The following PCBD2 variants were observed in gnomAD, a reference collection of about 807,000 sequenced individuals.
PCBD2 encodes the protein pterin-4 alpha-carbinolamine dehydratase 2.
In PCBD2, 12 loss-of-function variants were observed where a neutral mutation model predicts 16.4. The ratio of observed to expected loss-of-function variants is 0.73; its 90% CI spans 0.47 to 1.19. PCBD2 has a LOEUF of 1.19. PCBD2 is among the 50% of genes most tolerant of loss of function. PCBD2 has a pLI of 0.00. For synonymous variants in PCBD2, 58 were observed against 61.8 expected (o/e 0.94, Z 0.29); for missense variants, 138 against 156.8 (o/e 0.88, Z 0.64).
chr5:134,912,458 A>T (rs1040400766), intron 2 of PCBD2, among the ~76,000 whole-genome samples: 1 of 152,170 alleles, frequency 6.6e-6, no homozygotes, highest in African/African-American at 2.4e-5. Context: ...GTGAGCCCAT[A>T]TAGGATTTGG....
At chr5:134,948,983 G>A (rs1021802730) in intron 2 of PCBD2, among the ~76,000 whole-genome samples, 3 of 152,150 alleles carry the variant, frequency 2.0e-5, no homozygotes, top group Non-Finnish European at 2.9e-5. Flanking sequence ...CTTGGCCTGA[G>A]TTATTGGAAA....
intron 2 of PCBD2, among the ~76,000 whole-genome samples, chr5:134,940,007 AC>A (rs1339634468): frequency 6.6e-6 from 1 of 151,986 alleles, no homozygotes; most frequent in African/African-American, 2.4e-5. Flanking sequence ...AGCGGGAAGA[AC>A]ACCTATCATT....
At chr5:134,960,539 CA>C in intron 3 of PCBD2, 46 bp from the exon 4 acceptor site, 1 of 1,328,974 alleles carries the variant, frequency 7.5e-7, no homozygotes, top group Non-Finnish European at 1.1e-6. Context: ...GGAAAATAAC[CA>C]TGATTTGCTG....
intron 2 of PCBD2, among the ~76,000 whole-genome samples, chr5:134,954,147 G>A (rs1751390076): frequency 6.6e-6 from 1 of 152,096 alleles, no homozygotes; most frequent in Admixed American, 6.6e-5. Context: ...TTTTTGTAGA[G>A]ATAGGGTCTC....
At chr5:134,936,134 C>T (rs1751156448) in intron 2 of PCBD2, among the ~76,000 whole-genome samples, 1 of 152,134 alleles carries the variant, frequency 6.6e-6, no homozygotes, top group African/African-American at 2.4e-5. Context: ...TGATGTGGAA[C>T]CTTGTAAAAT....
intron 1 of PCBD2, among the ~76,000 whole-genome samples, chr5:134,908,241 T>G (rs1030382599): frequency 6.6e-5 from 10 of 151,456 alleles, no homozygotes; most frequent in African/African-American, 2.4e-4. Flanking sequence ...GTTTTTTTTT[T>G]TTTTTTTGAG....
chr5:134,937,932 T>C (rs1751180084), intron 2 of PCBD2, among the ~76,000 whole-genome samples: 1 of 152,216 alleles, frequency 6.6e-6, no homozygotes, highest in Non-Finnish European at 1.5e-5. Flanking sequence ...TATTTTTTTC[T>C]TTTGTTGGTT....
intron 2 of PCBD2, among the ~76,000 whole-genome samples, chr5:134,923,135 A>G (rs1750927067): frequency 6.6e-6 from 1 of 152,216 alleles, no homozygotes; most frequent in Non-Finnish European, 1.5e-5. Context: ...AGACTTGCTA[A>G]GTGACTTGCC....
chr5:134,941,854 C>T (rs372605644), intron 2 of PCBD2, among the ~76,000 whole-genome samples: 1 of 151,710 alleles, frequency 6.6e-6, no homozygotes, highest in Non-Finnish European at 1.5e-5. Context: ...TGTGGTGGCT[C>T]ACGCCTGTAA....
intron 2 of PCBD2, among the ~76,000 whole-genome samples, chr5:134,952,760 C>T (rs1043300502): frequency 3.3e-5 from 5 of 151,374 alleles, no homozygotes; most frequent in African/African-American, 9.7e-5. Flanking sequence ...AAGCTATATT[C>T]GTGCCACTGC....
chr5:134,928,101 C>T (rs1263066250), intron 2 of PCBD2: 2 of 393,296 alleles, frequency 5.1e-6, no homozygotes, highest in African/African-American at 4.1e-5. Flanking sequence ...ACTAGTAGGG[C>T]TAGGCCTACT....
At chr5:134,921,031 G>C (rs1431941257) in intron 2 of PCBD2, among the ~76,000 whole-genome samples, 1 of 152,256 alleles carries the variant, frequency 6.6e-6, no homozygotes, top group African/African-American at 2.4e-5. Context: ...AGCCCTGTCG[G>C]TGGACATGCA....
intron 2 of PCBD2, among the ~76,000 whole-genome samples, chr5:134,933,491 C>A (rs1485751003): frequency 1.3e-5 from 2 of 152,186 alleles, no homozygotes; most frequent in African/African-American, 4.8e-5. Context: ...CCACCTCAGC[C>A]TCCCAAAGTT....
intron 2 of PCBD2, among the ~76,000 whole-genome samples, chr5:134,950,809 T>C (rs1751350871): frequency 6.6e-6 from 1 of 152,198 alleles, no homozygotes; most frequent in South Asian, 2.1e-4. Flanking sequence ...GAAACTATTA[T>C]CAGCCATTAT....
chr5:134,906,824 C>T (rs1482559526), intron 1 of PCBD2, among the ~76,000 whole-genome samples: 1 of 152,186 alleles, frequency 6.6e-6, no homozygotes, highest in Non-Finnish European at 1.5e-5. Context: ...TATCCCACAG[C>T]TAAAAGTAAC....
intron 2 of PCBD2, among the ~76,000 whole-genome samples, chr5:134,932,943 C>G (rs994985286): frequency 5.3e-5 from 8 of 152,116 alleles, no homozygotes; most frequent in Admixed American, 2.0e-4. Context: ...GCCTCTCATT[C>G]TAATAGGAAT....
chr5:134,907,799 T>G (rs1750715428), intron 1 of PCBD2, among the ~76,000 whole-genome samples: 1 of 150,946 alleles, frequency 6.6e-6, no homozygotes, highest in Admixed American at 6.6e-5. Flanking sequence ...ATTTTTTGTA[T>G]TTTTAGTAGA....
intron 2 of PCBD2, chr5:134,923,924 G>A (rs1750944136): frequency 2.5e-6 from 1 of 394,424 alleles, no homozygotes; most frequent in African/African-American, 2.1e-5. Context: ...TGATTTGGAG[G>A]ATTAGGCAGG....
At chr5:134,930,337 G>A (rs1481743308) in intron 2 of PCBD2, among the ~76,000 whole-genome samples, 1 of 150,698 alleles carries the variant, frequency 6.6e-6, no homozygotes, top group Non-Finnish European at 1.5e-5. Context: ...GGTGATCCTA[G>A]TCAGTGCACT....
Sources: allele counts gnomAD v4.1 joint callset (sites outside exome capture counted in the v4.1 genomes callset), GRCh38; gene constraint gnomAD v4.1.1; transcripts MANE v1.5; gene names NCBI Gene and HGNC (gene_info 2026-07-23, HGNC 2026-07-21).